The following PTPRQ variants were observed in gnomAD, a reference collection of about 807,000 sequenced individuals.
The protein encoded by PTPRQ is phosphatidylinositol phosphatase PTPRQ.
In PTPRQ, 199 loss-of-function variants were observed where a neutral mutation model predicts 246.0. The observed-to-expected ratio is 0.81, with a 90% CI of 0.72 to 0.91. The LOEUF (loss-of-function observed/expected upper bound fraction) is 0.91. Among genes scored for constraint, PTPRQ ranks in the 40% least tolerant of loss-of-function variants. PTPRQ has a pLI of 0.00. For missense variants in PTPRQ, 2,624 were observed against 2,528.4 expected, an observed-to-expected ratio of 1.04 and a Z score of -0.81; for synonymous variants, 869 against 853.2, an observed-to-expected ratio of 1.02 and a Z score of -0.32.
intron 33 of PTPRQ, among the ~76,000 whole-genome samples, chr12:80,623,469 T>C (rs1899074267): frequency 6.6e-6 from 1 of 152,156 alleles, no homozygotes; most frequent in South Asian, 2.1e-4. Flanking sequence ...GTATCAAGTG[T>C]TTCTTCATTT....
chr12:80,614,848 T>C (rs539278300), intron 29 of PTPRQ, among the ~76,000 whole-genome samples: 13 of 151,144 alleles, frequency 8.6e-5, no homozygotes, highest in African/African-American at 3.1e-4. Context: ...TTCATAGTTA[T>C]GGTAGGTAGT....
chr12:80,676,715 C>T (rs1007118430), intron 43 of PTPRQ, among the ~76,000 whole-genome samples: 1 of 152,080 alleles, frequency 6.6e-6, no homozygotes, highest in Non-Finnish European at 1.5e-5. Flanking sequence ...TATGAGAGAA[C>T]TCTCTGTAGT....
intron 20 of PTPRQ, 46 bp from the exon 21 acceptor site, chr12:80,541,509 T>A (rs1896148964): frequency 7.3e-7 from 1 of 1,376,686 alleles, no homozygotes; most frequent in African/African-American, 1.5e-5. Flanking sequence ...TAGATTCTGT[T>A]TAGGGTAACT....
chr12:80,625,644 C>A (rs1216718429), intron 33 of PTPRQ, among the ~76,000 whole-genome samples: 1 of 152,024 alleles, frequency 6.6e-6, no homozygotes, highest in Non-Finnish European at 1.5e-5. Context: ...GAGAGATGGC[C>A]AGGTAGAACT....
intron 25 of PTPRQ, chr12:80,586,831 T>C (rs1352964140): frequency 6.6e-6 from 1 of 152,152 alleles, no homozygotes; most frequent in Admixed American, 6.6e-5. Context: ...CATTAATCTC[T>C]AAACAGTACA....
chr12:80,584,761 T>C (rs539765383), intron 25 of PTPRQ, among the ~76,000 whole-genome samples: 35 of 152,304 alleles, frequency 2.3e-4, no homozygotes, highest in African/African-American at 8.4e-4. Context: ...CAAATACATC[T>C]GATTTATATT....
At chr12:80,630,490 G>A (rs370740357) in intron 33 of PTPRQ, among the ~76,000 whole-genome samples, 53 of 152,084 alleles carry the variant, frequency 3.5e-4, no homozygotes, top group African/African-American at 1.2e-3. Context: ...TAGAATATCT[G>A]ATTGTTACAC....
At chr12:80,467,422 G>C (rs1893465150) in intron 6 of PTPRQ, among the ~76,000 whole-genome samples, 1 of 152,098 alleles carries the variant, frequency 6.6e-6, no homozygotes, top group African/African-American at 2.4e-5. Context: ...CTGTAAACTA[G>C]TTCAACCATT....
chr12:80,586,778 A>G (rs1897635337), intron 25 of PTPRQ: 1 of 152,180 alleles, frequency 6.6e-6, no homozygotes, highest in Non-Finnish European at 1.5e-5. Flanking sequence ...ATACAAAACC[A>G]AAATGTGTCT....
chr12:80,672,369 G>A (rs896182083), intron 42 of PTPRQ, among the ~76,000 whole-genome samples: 5 of 150,840 alleles, frequency 3.3e-5, no homozygotes, highest in African/African-American at 1.2e-4. Flanking sequence ...CAATTTCTTA[G>A]GTCAAATCAT....
intron 17 of PTPRQ, among the ~76,000 whole-genome samples, chr12:80,527,501 C>A (rs1416048388): frequency 6.6e-6 from 1 of 151,804 alleles, no homozygotes; most frequent in Non-Finnish European, 1.5e-5. Flanking sequence ...AATAATTATT[C>A]CCATATTATC....
At chr12:80,629,974 A>T (rs1899361217) in intron 33 of PTPRQ, among the ~76,000 whole-genome samples, 1 of 152,218 alleles carries the variant, frequency 6.6e-6, no homozygotes, top group Non-Finnish European at 1.5e-5. Context: ...TTTCTGAAGT[A>T]AAGTAAGTCA....
intron 27 of PTPRQ, among the ~76,000 whole-genome samples, chr12:80,608,540 A>G (rs1001422108): frequency 6.7e-6 from 1 of 149,954 alleles, no homozygotes; most frequent in Non-Finnish European, 1.5e-5. Flanking sequence ...AAGGCATTGG[A>G]AGAGTATAAT....
chr12:80,512,916 G>A (rs1307527914), intron 17 of PTPRQ: 3 of 152,054 alleles, frequency 2.0e-5, no homozygotes, highest in African/African-American at 4.8e-5. Flanking sequence ...CCTGCTCTCG[G>A]GGCGTGCGAC....
chr12:80,469,478 C>G (rs1233678594), intron 7 of PTPRQ, among the ~76,000 whole-genome samples: 1 of 152,056 alleles, frequency 6.6e-6, no homozygotes, highest in Non-Finnish European at 1.5e-5. Flanking sequence ...TATGTAAAGT[C>G]TAAAATTCTC....
chr12:80,461,412 C>T (rs747916178), intron 6 of PTPRQ, among the ~76,000 whole-genome samples: 3 of 151,926 alleles, frequency 2.0e-5, no homozygotes, highest in Non-Finnish European at 4.4e-5. Context: ...CCTTAGGGTG[C>T]CAGTGTTAAA....
chr12:80,582,784 G>A (rs1201390764), intron 25 of PTPRQ, among the ~76,000 whole-genome samples: 11 of 152,064 alleles, frequency 7.2e-5, no homozygotes, highest in African/African-American at 1.5e-4. Flanking sequence ...GAAGAGAGTC[G>A]GATATGAGGT....
intron 17 of PTPRQ, among the ~76,000 whole-genome samples, chr12:80,524,262 G>T (rs1592613541): frequency 6.6e-6 from 1 of 152,090 alleles, no homozygotes; most frequent in Non-Finnish European, 1.5e-5. Flanking sequence ...GTGTGTCTCT[G>T]CATGTGATAT....
chr12:80,671,103 CT>C (rs1900955616), intron 42 of PTPRQ, among the ~76,000 whole-genome samples: 1 of 151,818 alleles, frequency 6.6e-6, no homozygotes. Context: ...AGTTTTTAAA[CT>C]TTTATTTTAA....
Sources: allele counts gnomAD v4.1 joint callset (sites outside exome capture counted in the v4.1 genomes callset), GRCh38; gene constraint gnomAD v4.1.1; transcripts MANE v1.5; gene names NCBI Gene and HGNC (gene_info 2026-07-23, HGNC 2026-07-21).